DHX35: variants seen among roughly 807,000 people sequenced by gnomAD.
DHX35 encodes the protein DEAH-box helicase 35.
In DHX35, 84 loss-of-function variants were observed where a neutral mutation model predicts 99.6. The observed-to-expected ratio is 0.84, with a 90% CI of 0.71 to 1.01. The LOEUF is 1.01. Ranked by LOEUF, DHX35 falls within the 50% of genes least tolerant of loss-of-function variation. The pLI, the probability that DHX35 is intolerant of heterozygous loss-of-function variation, is 0.00. For synonymous variants in DHX35, 331 were observed against 316.2 expected (o/e 1.05, Z -0.50); for missense variants, 852 against 888.5 (o/e 0.96, Z 0.52).
At chr20:38,995,021 C>T (rs930471345) in intron 8 of DHX35, 141 bp downstream of exon 8, 8 of 665,592 alleles carry the variant, frequency 1.2e-5, no homozygotes, top group Non-Finnish European at 2.1e-5. Flanking sequence ...TCCTAGATTT[C>T]ATATAATCAG....
chr20:38,962,615 C>CT, intron 1 of DHX35: 1 of 600,932 alleles, frequency 1.7e-6, no homozygotes, highest in Non-Finnish European at 2.9e-6. Flanking sequence ...AGCAGAAACT[C>CT]TTTGTGACCT....
At position 38,970,069 on chromosome 20, in the gene DHX35, A is replaced by G. The variant is rs187855609; in HGVS notation, c.174+855A>G. Among the ~76,000 whole-genome samples the G allele has an allele frequency of 6.6e-5, 10 of 152,074 alleles. No homozygotes were observed. The South Asian group carries it at 1.2e-3, about 19-fold the overall frequency. On this transcript the variant is annotated intron_variant, in intron 2 of 21. Transcript: ENST00000252011. Reference sequence around the variant, plus strand: ...TGCTGGGTGAAAGTTGCTGTGTTCTATCTATCTGTCTGTCTGTCTGTCTGT... The same window carrying G: ...TGCTGGGTGAAAGTTGCTGTGTTCTGTCTATCTGTCTGTCTGTCTGTCTGT...
At position 39,014,980 on chromosome 20, in the gene DHX35, T is replaced by C. The variant is rs772765482; in HGVS notation, c.1402+46T>C. 11 of 1,609,148 alleles carry C rather than the reference T, an allele frequency of 6.8e-6. No homozygotes were observed. The East Asian group carries it at 2.5e-4, about 36-fold the overall frequency. The stretch of plus-strand genomic sequence containing the variant: ...ATTCTCTCTTATTATGTGTTGTCTT[T>C]TGTGATATTAGTGAGGTCATATTCA... On this transcript the variant is annotated intron_variant, in intron 14 of 21. Coordinates refer to ENST00000252011, the MANE Select transcript of DHX35 (RefSeq NM_021931.4).
intron 2 of DHX35, 112 bp downstream of exon 2, chr20:38,969,326 A>G: frequency 7.8e-7 from 1 of 1,283,646 alleles, no homozygotes; most frequent in Non-Finnish European, 1.0e-6. Context: ...GTGAGCTCAG[A>G]GAAACCCTTA....
chr20:39,039,588 T>C lies in DHX35; in HGVS notation c.*1045T>C, dbSNP rs973912485. 1 of 152,260 alleles carries C rather than the reference T, an allele frequency of 6.6e-6. No individual in the cohort carries two copies. Among genetic ancestry groups the C allele is most frequent in the African/African-American group, 2.4e-5 (1 of 41,464 alleles). The allele number at this position is 152,260 out of a possible 1,614,324, so 9.4% of individuals were successfully genotyped here. A position where few individuals can be genotyped will look rare whatever the true frequency, so the allele number is the denominator to read the frequency against. On this transcript the variant is annotated 3_prime_UTR_variant, in exon 22 of 22. Transcript: ENST00000252011. ...TTGAAAATTTATTTTTATACTGATA[T>C]TAGTTTGGATGTGCCACTTTTGGCA...
rs996686528 is a variant in DHX35, at chr20:39,023,862, A to G, written c.1671+95A>G. 7.5e-6 allele frequency: 8 copies of G among 1,065,068 alleles called. 1 individual carries two copies. In the Admixed American group the frequency reaches 9.8e-5, roughly 13 times the overall value. 66.0% of individuals were successfully genotyped at this position (1,065,068 alleles called of 1,614,324 possible). A position where few individuals can be genotyped will look rare whatever the true frequency, so the allele number is the denominator to read the frequency against. On this transcript the variant is annotated intron_variant, in intron 17 of 21. Coordinates refer to ENST00000252011, the MANE Select transcript of DHX35 (RefSeq NM_021931.4). ...TCCCAGAAGTTCAGTTCGTAAAGGA[A>G]TGTCCAAGAGAGCCCTTGATTTTCC...
intron 4 of DHX35, among the ~76,000 whole-genome samples, chr20:38,984,743 C>T (rs965367237): frequency 6.6e-6 from 1 of 152,158 alleles, no homozygotes; most frequent in Non-Finnish European, 1.5e-5. Context: ...TTATAATATA[C>T]ATGTTCTTAA....
rs116316700 is a variant in DHX35 at position 39,019,464 on chromosome 20, T to C, written c.1498+565T>C. ...TTTTGGCTATTGTGAATAATGCTGC[T>C]ATGAACATGGATACACAAATATCAT... is the stretch of plus-strand genomic sequence containing the variant. On this transcript the variant is annotated intron_variant, in intron 15 of 21. Transcript: ENST00000252011. 4.5e-3 allele frequency among the ~76,000 whole-genome samples: 687 copies of C among 152,368 alleles called. 7 individuals are homozygous for C. The highest frequency in any genetic ancestry group is 0.016 in the African/African-American group (662 of 41,580).
intron 5 of DHX35, among the ~76,000 whole-genome samples, chr20:38,989,509 G>A (rs750308150): frequency 1.8e-4 from 27 of 152,042 alleles, no homozygotes; most frequent in Non-Finnish European, 4.0e-4. Context: ...GAGGTTAAGG[G>A]CTTGGAAGGT....
At chr20:38,987,651 G>A (rs2086271077) in intron 4 of DHX35, among the ~76,000 whole-genome samples, 1 of 152,068 alleles carries the variant, frequency 6.6e-6, no homozygotes, top group Non-Finnish European at 1.5e-5. Flanking sequence ...CTTCTTGGGG[G>A]AATGCAGAGA....
At chr20:39,023,607 C>T (rs1374369080) in intron 16 of DHX35, 83 bp from the exon 17 acceptor site, 1 of 1,332,778 alleles carries the variant, frequency 7.5e-7, no homozygotes. Context: ...CCCACCTTAG[C>T]CTCACCAAAT....
intron 4 of DHX35, among the ~76,000 whole-genome samples, chr20:38,986,957 G>C (rs2086258996): frequency 6.6e-6 from 1 of 152,218 alleles, no homozygotes; most frequent in African/African-American, 2.4e-5. Flanking sequence ...CAGAAGCTGA[G>C]GGCAGGGAGC....
chr20:39,019,471 A>G (rs760765678), intron 15 of DHX35, among the ~76,000 whole-genome samples: 1 of 152,236 alleles, frequency 6.6e-6, no homozygotes, highest in Non-Finnish European at 1.5e-5. Flanking sequence ...TGCTATGAAC[A>G]TGGATACACA....
At chr20:39,009,409 C>CT (rs201600490) in intron 12 of DHX35, among the ~76,000 whole-genome samples, 439 of 144,516 alleles carry the variant, frequency 3.0e-3, no homozygotes, top group Non-Finnish European at 3.9e-3. Flanking sequence ...CTTCATGGCA[C>CT]TTTTTTTTTT....
At chr20:39,026,286 G>A (rs1005920986) in intron 18 of DHX35, among the ~76,000 whole-genome samples, 2 of 152,186 alleles carry the variant, frequency 1.3e-5, no homozygotes, top group African/African-American at 4.8e-5. Context: ...TGGCTAAGAG[G>A]TAAAATGTAA....
intron 20 of DHX35, among the ~76,000 whole-genome samples, chr20:39,033,965 G>A (rs1265393393): frequency 6.6e-6 from 1 of 152,198 alleles, no homozygotes; most frequent in East Asian, 1.9e-4. Context: ...GTCCTTCGCG[G>A]ATAACTGAGA....
intron 3 of DHX35, 73 bp from the exon 4 acceptor site, chr20:38,983,626 C>T (rs1300001697): frequency 9.7e-6 from 12 of 1,240,176 alleles, no homozygotes; most frequent in East Asian, 9.6e-5. Context: ...TAACACAATA[C>T]GGGAGCATCT....
Position 38,971,994 on chromosome 20 carries a change from G to GTT in DHX35, c.175-562_175-561dup, listed in dbSNP as rs1568714388. On this transcript the variant is annotated intron_variant, in intron 2 of 21. Coordinates refer to ENST00000252011, the MANE Select transcript of DHX35 (RefSeq NM_021931.4). ...ATGTCTATAATTTCTTGTTTTTTTT[G>GTT]TTTTGTTTTGTTTTTTTTTTTTTTT... 8.9e-4 allele frequency among the ~76,000 whole-genome samples: 100 copies of GTT among 112,042 alleles called. 6 individuals are homozygous for GTT. Among genetic ancestry groups the GTT allele is most frequent in the Non-Finnish European group, 1.4e-3 (76 of 52,794 alleles). The allele number at this position is 112,042 out of a possible 152,430, so 73.5% of individuals were successfully genotyped here.
chr20:38,985,019 CTG>C (rs2086228911), intron 4 of DHX35, among the ~76,000 whole-genome samples: 1 of 152,068 alleles, frequency 6.6e-6, no homozygotes, highest in African/African-American at 2.4e-5. Flanking sequence ...TTGAGGATCA[CTG>C]TGTAGAAGTC....
Sources: allele counts gnomAD v4.1 joint callset (sites outside exome capture counted in the v4.1 genomes callset), GRCh38; gene constraint gnomAD v4.1.1; transcripts MANE v1.5; gene names NCBI Gene and HGNC (gene_info 2026-07-23, HGNC 2026-07-21).